SGCG: variants seen among roughly 807,000 people sequenced by gnomAD.
SGCG encodes the protein sarcoglycan gamma.
Under a neutral mutation model 29.3 loss-of-function variants are expected in SGCG, and 26 were observed. The observed-to-expected ratio is 0.89, with a 90% CI of 0.65 to 1.23. The LOEUF (loss-of-function observed/expected upper bound fraction) is 1.23, where lower values mean the gene tolerates loss of function less well. Among genes scored for constraint, SGCG ranks in the 50% most tolerant of loss-of-function variants. SGCG has a pLI of 0.00. For synonymous variants in SGCG, 145 were observed against 129.7 expected, an observed-to-expected ratio of 1.12 and a Z score of -0.80; for missense variants, 353 against 356.0, an observed-to-expected ratio of 0.99 and a Z score of 0.07.
the SGCG span, among the ~76,000 whole-genome samples, chr13:23,173,253 T>C: frequency 6.6e-6 from 1 of 152,122 alleles, no homozygotes; most frequent in Non-Finnish European, 1.5e-5. Flanking sequence ...CAAAGATCCA[T>C]GCAAAAAGTG....
At chr13:23,298,041 A>T (rs73170804) in intron 6 of SGCG, among the ~76,000 whole-genome samples, 1 of 149,824 alleles carries the variant, frequency 6.7e-6, no homozygotes, top group Non-Finnish European at 1.5e-5. Flanking sequence ...CACCGCGGCC[A>T]GCCAACAATC....
intron 3 of SGCG, among the ~76,000 whole-genome samples, chr13:23,240,949 C>G (rs369890930): frequency 1.3e-5 from 2 of 151,800 alleles, no homozygotes; most frequent in Non-Finnish European, 2.9e-5. Context: ...GTCAGGAGAT[C>G]GAGACCATCC....
intron 1 of SGCG, among the ~76,000 whole-genome samples, chr13:23,191,470 C>T (rs1410309105): frequency 2.0e-5 from 3 of 152,188 alleles, no homozygotes; most frequent in Admixed American, 1.3e-4. Context: ...GATGTCAAAA[C>T]CACAGAGCCC....
chr13:23,277,910 G>A lies in SGCG; in HGVS notation c.386-1449G>A, dbSNP rs542123384. 1.6e-4 allele frequency among the ~76,000 whole-genome samples: 25 copies of A among 152,072 alleles called. No homozygotes were observed. The South Asian group carries it at 4.6e-3, about 28-fold the overall frequency. On this transcript the variant is annotated intron_variant, in intron 4 of 7. Coordinates refer to ENST00000218867, the MANE Select transcript of SGCG (RefSeq NM_000231.3). Reference sequence around the variant, plus strand: ...AGACTGGGTTTCACCGTGTTAGCCAGGATGGTCTCGATCTCCTGACCTCAT... The same window carrying A: ...AGACTGGGTTTCACCGTGTTAGCCAAGATGGTCTCGATCTCCTGACCTCAT...
At chr13:23,296,226 A>T (rs887044939) in intron 6 of SGCG, among the ~76,000 whole-genome samples, 1 of 152,272 alleles carries the variant, frequency 6.6e-6, no homozygotes, top group African/African-American at 2.4e-5. Flanking sequence ...TGCACTTTTT[A>T]GTGGAAGACA....
chr13:23,193,351 G>A (rs1378238008), intron 1 of SGCG, among the ~76,000 whole-genome samples: 1 of 152,170 alleles, frequency 6.6e-6, no homozygotes, highest in Admixed American at 6.5e-5. Context: ...TCCTCTTGTT[G>A]GGTGCCATGT....
intron 4 of SGCG, among the ~76,000 whole-genome samples, chr13:23,257,980 T>G (rs1156444669): frequency 6.6e-6 from 1 of 152,210 alleles, no homozygotes; most frequent in African/African-American, 2.4e-5. Flanking sequence ...TCAGGTAGGG[T>G]GGTTCCTCCA....
chr13:23,297,935 G>A (rs2137648968), intron 6 of SGCG, among the ~76,000 whole-genome samples: 1 of 152,040 alleles, frequency 6.6e-6, no homozygotes, highest in East Asian at 2.0e-4. Flanking sequence ...AGTAGAGACG[G>A]GGTTTCATCA....
At chr13:23,208,824 T>C (rs1878079811) in intron 2 of SGCG, among the ~76,000 whole-genome samples, 1 of 152,178 alleles carries the variant, frequency 6.6e-6, no homozygotes, top group South Asian at 2.1e-4. Context: ...TTCCTTATTA[T>C]ATTTTCATTC....
chr13:23,270,413 A>G (rs1486467478), intron 4 of SGCG, among the ~76,000 whole-genome samples: 1 of 152,102 alleles, frequency 6.6e-6, no homozygotes, highest in African/African-American at 2.4e-5. Flanking sequence ...TTTAATTTGC[A>G]TTTCTGTAAT....
chr13:23,309,582 C>T (rs1261370263), intron 6 of SGCG, among the ~76,000 whole-genome samples: 1 of 152,198 alleles, frequency 6.6e-6, no homozygotes, highest in Non-Finnish European at 1.5e-5. Context: ...TCTGTGTTTA[C>T]TTCCTGACTT....
chr13:23,169,041 TTA>T, the SGCG span, among the ~76,000 whole-genome samples: 1 of 151,310 alleles, frequency 6.6e-6, no homozygotes, highest in African/African-American at 2.4e-5. Context: ...GTTTAGTAAT[TTA>T]TATATATATA....
chr13:23,280,301 A>C (rs1380985373), intron 5 of SGCG, among the ~76,000 whole-genome samples: 1 of 152,216 alleles, frequency 6.6e-6, no homozygotes, highest in Non-Finnish European at 1.5e-5. Context: ...TAGAAGACAC[A>C]GGCAGATACT....
At chr13:23,287,756 GTTTGT>G (rs1555244428) in intron 5 of SGCG, among the ~76,000 whole-genome samples, 1 of 151,774 alleles carries the variant, frequency 6.6e-6, no homozygotes, top group Admixed American at 6.6e-5. Flanking sequence ...TTGTTTGTTT[GTTTGT>G]TTTGTTTTGT....
intron 1 of SGCG, among the ~76,000 whole-genome samples, chr13:23,190,581 T>C (rs982724297): frequency 6.6e-6 from 1 of 152,162 alleles, no homozygotes; most frequent in African/African-American, 2.4e-5. Context: ...ACTGGATTGG[T>C]TATGAAAGTT....
chr13:23,210,765 G>C (rs1878168104), intron 2 of SGCG, among the ~76,000 whole-genome samples: 1 of 152,176 alleles, frequency 6.6e-6, no homozygotes. Context: ...ATGATCCCAT[G>C]AGTTTGAGAT....
intron 1 of SGCG, among the ~76,000 whole-genome samples, chr13:23,194,102 G>A (rs9550929): frequency 0.46 from 70,062 of 152,036 alleles, 16,294 homozygotes; most frequent in Admixed American, 0.51. Context: ...AAGCAAGGAG[G>A]TTATGTGATC....
chr13:23,191,484 T>C (rs886977063), intron 1 of SGCG, among the ~76,000 whole-genome samples: 1 of 152,216 alleles, frequency 6.6e-6, no homozygotes, highest in Non-Finnish European at 1.5e-5. Flanking sequence ...AGAGCCCTGC[T>C]GTAGAGCATT....
chr13:23,321,907 G>GA (rs35265625), intron 7 of SGCG, among the ~76,000 whole-genome samples: 56,198 of 146,676 alleles, frequency 0.38, 11,330 homozygotes, highest in Non-Finnish European at 0.45. Flanking sequence ...CTGTTTGTTA[G>GA]AAAAAAAAAA....
Sources: gnomAD v4.1 joint callset for allele counts (sites outside exome capture counted in the v4.1 genomes callset) on GRCh38, gnomAD v4.1.1 for gene constraint, MANE v1.5 for transcripts, NCBI Gene and HGNC (gene_info 2026-07-23, HGNC 2026-07-21) for gene names.